BTBD3: variants seen among roughly 807,000 people sequenced by gnomAD.
BTBD3 encodes the protein BTB/POZ domain-containing protein 3.
Under a neutral mutation model 41.6 loss-of-function variants are expected in BTBD3, and 14 were observed. That is an observed-to-expected ratio of 0.34 (90% CI 0.22 to 0.53). BTBD3 has a LOEUF of 0.53. Among genes scored for constraint, BTBD3 ranks in the 20% least tolerant of loss-of-function variants. The pLI is 0.95. For synonymous variants in BTBD3, 249 were observed against 233.7 expected, an observed-to-expected ratio of 1.07 and a Z score of -0.60; for missense variants, 426 against 654.7, an observed-to-expected ratio of 0.65 and a Z score of 3.81.
At chr20:11,901,143 A>G (rs923117870) in intron 1 of BTBD3, among the ~76,000 whole-genome samples, 1 of 152,228 alleles carries the variant, frequency 6.6e-6, no homozygotes, top group African/African-American at 2.4e-5. Context: ...ATAGAAAAAA[A>G]TGGTGAGAAG....
rs142386919 is a variant in BTBD3, at chr20:11,923,180, G to A, written c.1083G>A (p.Gln361=). Residue 361 remains glutamine, a synonymous_variant, in exon 4 of 4, where the codon CAG becomes CAA. Coordinates refer to ENST00000378226, the MANE Select transcript of BTBD3 (RefSeq NM_014962.4). The surrounding 1 kb of genome is among the most constrained non-coding windows in gnomAD (Gnocchi z 5.3). ...WYTAAKKPEL[Q]FVSKARKGLV... is the part of the protein sequence containing the mutation. ...CTGCAGCCAAAAAGCCTGAGCTTCA[G>A]TTTGTGAGTAAAGCCCGTAAGGGCC... The A allele has an allele frequency of 1.7e-5, 27 of 1,614,114 alleles. No homozygotes were observed. The highest frequency in any genetic ancestry group is 2.1e-5 in the Non-Finnish European group (25 of 1,180,058).
intron 2 of BTBD3, 134 bp downstream of exon 2, chr20:11,919,310 A>ACCCTC (rs1301926225): frequency 7.6e-7 from 1 of 1,315,416 alleles, no homozygotes; most frequent in Non-Finnish European, 1.0e-6. Flanking sequence ...GAGAGAGCGC[A>ACCCTC]CCCTCTCCAG....
intron 1 of BTBD3, among the ~76,000 whole-genome samples, chr20:11,896,896 A>AG (rs1257979649): frequency 6.6e-6 from 1 of 152,250 alleles, no homozygotes; most frequent in Non-Finnish European, 1.5e-5. Flanking sequence ...GGGGTGGTAT[A>AG]GGAGATGTCA....
At chr20:11,896,461 T>A (rs1181227011) in intron 1 of BTBD3, among the ~76,000 whole-genome samples, 1 of 152,242 alleles carries the variant, frequency 6.6e-6, no homozygotes, top group Admixed American at 6.5e-5. Flanking sequence ...ATTTTGGTTC[T>A]GTGGCGGTTT....
intron 1 of BTBD3, among the ~76,000 whole-genome samples, chr20:11,901,840 C>T (rs1210757662): frequency 6.6e-6 from 1 of 152,098 alleles, no homozygotes; most frequent in Non-Finnish European, 1.5e-5. Context: ...TAAGGACAAC[C>T]TATATTTTGA....
At chr20:11,905,494 C>G (rs2056847913) in intron 1 of BTBD3, among the ~76,000 whole-genome samples, 1 of 152,210 alleles carries the variant, frequency 6.6e-6, no homozygotes, top group Middle Eastern at 3.4e-3. Context: ...CAGAGATTCC[C>G]CATGAAACAA....
chr20:11,905,732 A>G lies in BTBD3; in HGVS notation c.-125-12602A>G, dbSNP rs914153420. Among the ~76,000 whole-genome samples, 15 of 152,330 alleles carry G rather than the reference A, an allele frequency of 9.8e-5. No homozygotes were observed. In the South Asian group the frequency reaches 1.0e-3, roughly 11 times the overall value. On this transcript the variant is annotated intron_variant, in intron 1 of 4. Transcript: ENST00000254977. ...CAGCATCAATAGTAATAAAAGTTAC[A>G]GAGCCAGACTATGGAGCCATTTTTA...
At chr20:11,897,071 G>T (rs369922541) in intron 1 of BTBD3, among the ~76,000 whole-genome samples, 1 of 151,844 alleles carries the variant, frequency 6.6e-6, no homozygotes, top group Non-Finnish European at 1.5e-5. Flanking sequence ...CTTCTATACC[G>T]CTGGCCTTCT....
chr20:11,895,769 C>T (rs1221033863), intron 1 of BTBD3, among the ~76,000 whole-genome samples: 1 of 152,210 alleles, frequency 6.6e-6, no homozygotes, highest in East Asian at 1.9e-4. Flanking sequence ...TCTCATGCAG[C>T]TTTTACTGAC....
At chr20:11,912,096 A>C (rs533702713) in intron 1 of BTBD3, among the ~76,000 whole-genome samples, 2 of 152,260 alleles carry the variant, frequency 1.3e-5, no homozygotes, top group Admixed American at 6.5e-5. Context: ...AAGGTGGCTT[A>C]ATGAAACTGA....
At chr20:11,914,223 A>G (rs1372721543), upstream of BTBD3, among the ~76,000 whole-genome samples, 1 of 152,144 alleles carries the variant, frequency 6.6e-6, no homozygotes, top group Admixed American at 6.5e-5. Flanking sequence ...TGGGTTACAG[A>G]CTCAACAGAT....
rs2056929728 is a variant in BTBD3, at chr20:11,917,926, G to A, written c.-350G>A. On this transcript the variant is annotated 5_prime_UTR_variant, in exon 1 of 4. Transcript: ENST00000378226. ...ACTTCAGCCGGCTGAACAGACTCAC[G>A]CAGCTCCAGCCCATCTTGCTGACCT... The A allele has an allele frequency of 4.9e-6, 5 of 1,017,754 alleles. No homozygotes were observed. Among genetic ancestry groups the A allele is most frequent in the South Asian group, 8.3e-5 (2 of 24,158 alleles). The allele number at this position is 1,017,754 out of a possible 1,614,324, so 63.0% of individuals were successfully genotyped here.
At chr20:11,905,202 CTTCA>C (rs766982594) in intron 1 of BTBD3, among the ~76,000 whole-genome samples, 20 of 152,270 alleles carry the variant, frequency 1.3e-4, no homozygotes, top group Non-Finnish European at 2.6e-4. Flanking sequence ...GACAGGCTCA[CTTCA>C]TTCATTTTTG....
chr20:11,910,266 A>G (rs891246067), intron 1 of BTBD3: 1 of 152,212 alleles, frequency 6.6e-6, no homozygotes, highest in African/African-American at 2.4e-5. Context: ...AAAGTAAAAC[A>G]TATCTTTGGA....
At chr20:11,901,889 G>A (rs1600230326) in intron 1 of BTBD3, among the ~76,000 whole-genome samples, 1 of 152,180 alleles carries the variant, frequency 6.6e-6, no homozygotes, top group Non-Finnish European at 1.5e-5. Context: ...GTTACTGAGT[G>A]TGAAGTAGTT....
chr20:11,906,625 A>G lies in BTBD3; in HGVS notation c.-125-11709A>G, dbSNP rs1049761079. Among the ~76,000 whole-genome samples, 82 of 152,068 alleles carry G rather than the reference A, an allele frequency of 5.4e-4. 2 individuals carry two copies. The highest frequency in any genetic ancestry group is 5.9e-5 in the Non-Finnish European group (4 of 68,004). ...AGTTGAGAATTCTTTATTTTTTGTA[A>G]AAAAGTCAAACACCTGATTACTTGC... is the stretch of plus-strand genomic sequence containing the variant. On this transcript the variant is annotated intron_variant, in intron 1 of 4. Transcript: ENST00000254977.
Position 11,891,842 on chromosome 20 carries a change from T to C in BTBD3, c.-126+888T>C, listed in dbSNP as rs1319227074. 2.6e-5 allele frequency among the ~76,000 whole-genome samples: 4 copies of C among 152,164 alleles called. No individual in the cohort carries two copies. The East Asian group carries it at 7.7e-4, about 29-fold the overall frequency. On this transcript the variant is annotated intron_variant, in intron 1 of 4. Coordinates refer to the BTBD3 transcript ENST00000254977. The stretch of plus-strand genomic sequence containing the variant: ...AAGGGAGATCACGGTGCTTTTTCTT[T>C]TTTAAATATTCCCCGCCACCTCGCC...
intron 1 of BTBD3, among the ~76,000 whole-genome samples, chr20:11,908,689 A>G (rs1465127232): frequency 2.0e-5 from 3 of 151,992 alleles, no homozygotes; most frequent in East Asian, 1.9e-4. Context: ...GAAATACTCT[A>G]TTTTCTTAGT....
rs2056991827 is a variant in BTBD3, at chr20:11,923,688, T to C, written c.*22T>C. 1.3e-6 allele frequency: 2 copies of C among 1,566,552 alleles called. No individual in the cohort carries two copies. The highest frequency in any genetic ancestry group is 2.5e-5 in the South Asian group (2 of 81,458). ...TTGAAAACTCACTTCCTGAAGCAGC[T>C]TGAGCTCCAAAGTGCACATCTGGTT... On this transcript the variant is annotated 3_prime_UTR_variant, in exon 4 of 4. Transcript: ENST00000378226. This position sits in a 1 kb window ranked among gnomAD's most constrained non-coding sequence, Gnocchi z 5.3.
Sources: allele counts gnomAD v4.1 joint callset (sites outside exome capture counted in the v4.1 genomes callset), GRCh38; gene constraint gnomAD v4.1.1; non-coding constraint Gnocchi (gnomAD v3.1); transcripts MANE v1.5; gene names NCBI Gene and HGNC (gene_info 2026-07-23, HGNC 2026-07-21).